ASB3: variants seen among roughly 807,000 people sequenced by gnomAD.
ASB3 encodes the protein ankyrin repeat and SOCS box protein 3.
Under a neutral mutation model 54.5 loss-of-function variants are expected in ASB3, and 41 were observed. That is an observed-to-expected ratio of 0.75 (90% CI 0.59 to 0.98). ASB3 has a LOEUF of 0.98. Ranked by LOEUF, ASB3 falls within the 50% of genes least tolerant of loss-of-function variation. The pLI, the probability that ASB3 is intolerant of heterozygous loss-of-function variation, is 0.00. For missense variants in ASB3, 733 were observed against 620.0 expected, an observed-to-expected ratio of 1.18 and a Z score of -1.94; for synonymous variants, 266 against 221.2, an observed-to-expected ratio of 1.20 and a Z score of -1.80.
At chr2:53,780,109 G>A (rs1206230367) in intron 1 of ASB3, among the ~76,000 whole-genome samples, 1 of 152,092 alleles carries the variant, frequency 6.6e-6, no homozygotes, top group Non-Finnish European at 1.5e-5. Flanking sequence ...GCTCTACTGT[G>A]CACTCAGAAT....
chr2:53,706,550 A>G (rs1669783082), intron 7 of ASB3, among the ~76,000 whole-genome samples: 1 of 151,876 alleles, frequency 6.6e-6, no homozygotes, highest in Non-Finnish European at 1.5e-5. Context: ...GGTTCACGCC[A>G]TTCTACCGCT....
At chr2:53,769,446 G>A (rs10490471) in intron 1 of ASB3, among the ~76,000 whole-genome samples, 3 of 152,084 alleles carry the variant, frequency 2.0e-5, no homozygotes, top group Non-Finnish European at 4.4e-5. Flanking sequence ...TAGTCTTGAC[G>A]AAAATGTACA....
chr2:53,710,146 T>C (rs544380930), intron 7 of ASB3, among the ~76,000 whole-genome samples: 2 of 152,304 alleles, frequency 1.3e-5, no homozygotes, highest in South Asian at 4.2e-4. Context: ...CTCCTGAATC[T>C]CTAACCAACA....
intron 1 of ASB3, chr2:53,767,923 G>A (rs139058901): frequency 1.2e-6 from 2 of 1,613,830 alleles, no homozygotes; most frequent in Non-Finnish European, 1.7e-6. Flanking sequence ...GATCTGGAAG[G>A]TGGATTTCCC....
chr2:53,716,812 G>A, intron 5 of ASB3, 69 bp from the exon 6 acceptor site: 2 of 1,496,684 alleles, frequency 1.3e-6, no homozygotes, highest in South Asian at 2.8e-5. Flanking sequence ...AAATTTCAAA[G>A]GAACTACCAT....
chr2:53,687,425 G>C (rs929424541), intron 9 of ASB3, among the ~76,000 whole-genome samples: 2 of 152,334 alleles, frequency 1.3e-5, no homozygotes, highest in African/African-American at 4.8e-5. Flanking sequence ...GAAAGGTCAT[G>C]TGTCCAGTTT....
chr2:53,745,808 T>A (rs1040716022), intron 3 of ASB3, among the ~76,000 whole-genome samples: 1 of 152,234 alleles, frequency 6.6e-6, no homozygotes, highest in Non-Finnish European at 1.5e-5. Context: ...GGAAGCTAAC[T>A]CTACAGATGG....
chr2:53,724,701 C>T (rs747219439), intron 5 of ASB3, among the ~76,000 whole-genome samples: 9 of 151,926 alleles, frequency 5.9e-5, no homozygotes, highest in African/African-American at 9.7e-5. Flanking sequence ...CATCACCAAT[C>T]ACCACAGAAA....
chr2:53,765,561 T>A lies in ASB3; in HGVS notation c.12A>T (p.Thr4=). MDF[T]EAYADTCSTV... ...TAGAGCACGTGTCCGCGTAAGCCTC[T>A]GTAAAATCCATTTGTTTGACCAGTC... Residue 4 remains threonine, a synonymous_variant, in exon 2 of 10, where the codon ACA becomes ACT. Transcript: ENST00000263634. The A allele has an allele frequency of 2.5e-6, 4 of 1,614,240 alleles. No individual in the cohort carries two copies. The highest frequency in any genetic ancestry group is 2.7e-5 in the African/African-American group (2 of 75,060).
At chr2:53,743,285 G>A (rs943902249) in intron 3 of ASB3, among the ~76,000 whole-genome samples, 11 of 151,096 alleles carry the variant, frequency 7.3e-5, no homozygotes, top group African/African-American at 1.7e-4. Flanking sequence ...GAATACACGC[G>A]TGAGCAACAG....
In ASB3 at chr2:53,714,454, A is replaced by G; in HGVS notation, c.910T>C (p.Tyr304His). ...DCLEILLRNG[Y>H]SPDAQACLVF... Reference sequence around the variant, plus strand: ...AGGCACGCCTGGGCGTCTGGGCTGTAGCCATTCCGGAGTAATATTTCTAGG... The same window carrying G: ...AGGCACGCCTGGGCGTCTGGGCTGTGGCCATTCCGGAGTAATATTTCTAGG... Residue 304 changes from tyrosine (Y) to histidine (H), a missense_variant, in exon 7 of 10, where the codon TAC becomes CAC. Transcript: ENST00000263634. 1 of 1,614,266 alleles carries G rather than the reference A, an allele frequency of 6.2e-7. No homozygotes were observed.
At chr2:53,768,047 C>T in intron 1 of ASB3, 1 of 1,610,354 alleles carries the variant, frequency 6.2e-7, no homozygotes, top group Non-Finnish European at 8.5e-7. Flanking sequence ...GCTCCCCACA[C>T]TTACTGCCCC....
intron 3 of ASB3, among the ~76,000 whole-genome samples, chr2:53,746,531 G>A (rs372543783): frequency 6.0e-4 from 89 of 148,902 alleles, no homozygotes; most frequent in African/African-American, 1.6e-3. Context: ...AAGCTGGAGT[G>A]CAATGGCGCA....
chr2:53,693,489 TAC>T (rs1471595688), intron 9 of ASB3, among the ~76,000 whole-genome samples: 5 of 152,154 alleles, frequency 3.3e-5, no homozygotes, highest in African/African-American at 1.2e-4. Context: ...GATAAAATAT[TAC>T]ACAGAGAACA....
At chr2:53,705,790 G>A (rs1669736070) in intron 7 of ASB3, among the ~76,000 whole-genome samples, 1 of 151,938 alleles carries the variant, frequency 6.6e-6, no homozygotes, top group Non-Finnish European at 1.5e-5. Context: ...CTTCTGTGTG[G>A]ATAATTTCTT....
chr2:53,680,228 AG>A (rs1156685312), intron 9 of ASB3, among the ~76,000 whole-genome samples: 2 of 152,228 alleles, frequency 1.3e-5, no homozygotes, highest in African/African-American at 2.4e-5. Flanking sequence ...TCTTTATGAC[AG>A]AAAGATTTCT....
At chr2:53,785,433 T>A (rs1277454539) in intron 1 of ASB3, among the ~76,000 whole-genome samples, 1 of 147,970 alleles carries the variant, frequency 6.8e-6, no homozygotes, top group Non-Finnish European at 1.5e-5. Context: ...GAATAAATGC[T>A]AAAAAAAAAA....
chr2:53,766,447 T>A (rs1051925059), intron 1 of ASB3, among the ~76,000 whole-genome samples: 1 of 152,232 alleles, frequency 6.6e-6, no homozygotes, highest in Non-Finnish European at 1.5e-5. Flanking sequence ...GATGTGATAA[T>A]GGCATCACAG....
chr2:53,675,349 T>C (rs1324722073), intron 9 of ASB3, among the ~76,000 whole-genome samples: 2 of 151,960 alleles, frequency 1.3e-5, no homozygotes. Flanking sequence ...TAAAATAAAA[T>C]AAGCCAATAT....
Sources: gnomAD v4.1 joint callset for allele counts (sites outside exome capture counted in the v4.1 genomes callset) on GRCh38, gnomAD v4.1.1 for gene constraint, MANE v1.5 for transcripts, NCBI Gene and HGNC (gene_info 2026-07-23, HGNC 2026-07-21) for gene names.